The following NCAPG2 variants were observed in gnomAD, a reference collection of about 807,000 sequenced individuals.
NCAPG2 encodes the protein condensin-2 complex subunit G2.
NCAPG2 carries 53 observed loss-of-function variants against 141.1 expected under a neutral mutation model. That is an observed-to-expected ratio of 0.38 (90% CI 0.30 to 0.47). NCAPG2 has a LOEUF of 0.47. Ranked by LOEUF, NCAPG2 falls within the 20% of genes least tolerant of loss-of-function variation. The pLI is 0.99. For synonymous variants in NCAPG2, 499 were observed against 490.7 expected (o/e 1.02, Z -0.22); for missense variants, 1,087 against 1,389.0 (o/e 0.78, Z 3.46).
chr7:158,642,574 C>T (rs1434917547), intron 27 of NCAPG2, among the ~76,000 whole-genome samples: 1 of 135,134 alleles, frequency 7.4e-6, no homozygotes, highest in African/African-American at 2.7e-5. Flanking sequence ...AGAAAAAGGA[C>T]AAAAAGATAA....
intron 27 of NCAPG2, among the ~76,000 whole-genome samples, chr7:158,636,278 T>C: frequency 6.6e-6 from 1 of 152,216 alleles, no homozygotes; most frequent in East Asian, 1.9e-4. Context: ...TGAAACTAAG[T>C]ATAAGTGGAA....
chr7:158,679,286 A>G (rs1281618151), intron 11 of NCAPG2, among the ~76,000 whole-genome samples: 1 of 152,256 alleles, frequency 6.6e-6, no homozygotes, highest in Non-Finnish European at 1.5e-5. Flanking sequence ...ATTGTTTCCT[A>G]AAACTTTACT....
intron 5 of NCAPG2, 39 bp downstream of exon 5, chr7:158,690,525 TAGAG>T (rs749508959): frequency 2.5e-6 from 4 of 1,581,740 alleles, no homozygotes; most frequent in Non-Finnish European, 2.6e-6. Context: ...ATCTGGGCAA[TAGAG>T]AGAGACCCTG....
At chr7:158,649,811 T>C (rs1381478537) in intron 24 of NCAPG2, among the ~76,000 whole-genome samples, 1 of 152,232 alleles carries the variant, frequency 6.6e-6, no homozygotes. Flanking sequence ...TTTCTCTATA[T>C]GAAAACATGA....
At chr7:158,652,161 G>T in intron 23 of NCAPG2, 132 bp downstream of exon 23, 1 of 887,204 alleles carries the variant, frequency 1.1e-6, no homozygotes, top group Non-Finnish European at 1.7e-6. Context: ...CACCTCGCCA[G>T]CAGGGACCTC....
Position 158,692,073 on chromosome 7 carries a change from G to T in NCAPG2, c.382+769C>A, listed in dbSNP as rs141775836. Reference sequence around the variant, plus strand: ...TAATCCCAGCACTTTGCCAGGGCAAGGTGGGAGGATCACTTGAGCACAGGA... The same window carrying T: ...TAATCCCAGCACTTTGCCAGGGCAATGTGGGAGGATCACTTGAGCACAGGA... On this transcript the variant is annotated intron_variant, in intron 4 of 27. Transcript: ENST00000356309. 2.2e-3 allele frequency among the ~76,000 whole-genome samples: 335 copies of T among 152,322 alleles called. 1 individual carries two copies. The highest frequency in any genetic ancestry group is 0.017 in the Middle Eastern group (5 of 294).
At position 158,687,421 on chromosome 7, in the gene NCAPG2, G is replaced by C; in HGVS notation, c.694C>G (p.Leu232Val). The change falls in exon 7 of 28, where the codon CTC (leucine) becomes GTC (valine). Residue 232 changes from leucine to valine, a missense_variant. By Grantham distance (32) the Leu-to-Val change is conservative. Transcript: ENST00000356309. ...ATGAAGTTGATATTCCAGTTGAAGA[G>C]ACAACTAAGAAATCTTCTTCCCTAG... ...KEEGRRFLSC[L>V]FNWNINFIKM... 6.2e-7 allele frequency: 1 copy of C among 1,607,094 alleles called. No homozygotes were observed.
At chr7:158,679,895 C>A in intron 11 of NCAPG2, 65 bp downstream of exon 11, 2 of 1,570,864 alleles carry the variant, frequency 1.3e-6, no homozygotes, top group Non-Finnish European at 1.7e-6. Context: ...CACACACAAG[C>A]AGTACATGCC....
chr7:158,642,497 C>T (rs1405687591), intron 27 of NCAPG2, among the ~76,000 whole-genome samples: 1 of 151,890 alleles, frequency 6.6e-6, no homozygotes, highest in Non-Finnish European at 1.5e-5. Flanking sequence ...CACTACACTC[C>T]AGCCTGGGTG....
Position 158,683,317 on chromosome 7 carries a change from G to A in NCAPG2, c.907C>T (p.His303Tyr), listed in dbSNP as rs748910689. ...GIHLPRRSPV[H>Y]SKVREVLSYF... ...AATCTTACCTCCCGCACTTTGGAAT[G>A]CACTGGAGACCTCCTCGGAAGGTGT... The change falls in exon 9 of 28, where the codon CAT becomes TAT. Residue 303 changes from histidine to tyrosine, a missense_variant. Coordinates refer to ENST00000356309, the MANE Select transcript of NCAPG2 (RefSeq NM_017760.7). 3 of 1,600,494 alleles carry A rather than the reference G, an allele frequency of 1.9e-6. No individual in the cohort carries two copies. The highest frequency in any genetic ancestry group is 3.5e-5 in the Admixed American group (2 of 57,488).
chr7:158,699,582 TC>T (rs896608810), intron 2 of NCAPG2, among the ~76,000 whole-genome samples: 1 of 152,034 alleles, frequency 6.6e-6, no homozygotes, highest in Admixed American at 6.6e-5. Context: ...ACCCAAAGGC[TC>T]CAACCCCACT....
At position 158,675,498 on chromosome 7, in the gene NCAPG2, A is replaced by G; in HGVS notation, c.1305T>C (p.Asp435=). The part of the protein sequence containing the change: ...GELAFDTSSA[D]VRCSVFKCLP... ...TTACCTTAAAGACAGAACAACGAAC[A>G]TCAGCTGAGCTCGTGTCAAATGCCA... The change falls in exon 12 of 28, where the codon GAT becomes GAC. Residue 435 remains aspartate (D), a synonymous_variant. Coordinates refer to ENST00000356309, the MANE Select transcript of NCAPG2 (RefSeq NM_017760.7). The G allele has an allele frequency of 6.2e-7, 1 of 1,606,730 alleles. No homozygotes were observed. The highest frequency in any genetic ancestry group is 8.5e-7 in the Non-Finnish European group (1 of 1,178,476).
Position 158,650,986 on chromosome 7 carries a change from C to T in NCAPG2, c.2935-14G>A. On this transcript the variant is annotated splice_polypyrimidine_tract_variant and intron_variant, in intron 23 of 27. Transcript: ENST00000356309. The stretch of plus-strand genomic sequence containing the variant: ...AGAATAAAGCAGCTACAAGAAAACA[C>T]ATACGTCACTTTTAATGACTAAAAA... 6.4e-7 allele frequency: 1 copy of T among 1,557,418 alleles called. No homozygotes were observed. Among genetic ancestry groups the T allele is most frequent in the East Asian group, 2.3e-5 (1 of 42,828 alleles).
At chr7:158,693,221 T>C in intron 3 of NCAPG2, 88 bp downstream of exon 3, 1 of 1,370,498 alleles carries the variant, frequency 7.3e-7, no homozygotes, top group Non-Finnish European at 1.0e-6. Flanking sequence ...AAATCTGTCT[T>C]AATGTAAAAT....
At chr7:158,704,198 A>G (rs1461391341) in intron 1 of NCAPG2, among the ~76,000 whole-genome samples, 5 of 121,334 alleles carry the variant, frequency 4.1e-5, no homozygotes, top group African/African-American at 1.6e-4. Context: ...CTCAGGACTG[A>G]GGGGGTCGCT....
chr7:158,647,196 T>C (rs1831087308), intron 24 of NCAPG2, among the ~76,000 whole-genome samples: 1 of 152,188 alleles, frequency 6.6e-6, no homozygotes, highest in South Asian at 2.1e-4. Context: ...TGTACTCCTG[T>C]CTAAATTGGC....
intron 12 of NCAPG2, among the ~76,000 whole-genome samples, chr7:158,674,204 C>T (rs1400314176): frequency 6.6e-6 from 1 of 151,710 alleles, no homozygotes; most frequent in African/African-American, 2.4e-5. Flanking sequence ...GCCTCTGCCT[C>T]GGATGGAGAT....
intron 27 of NCAPG2, among the ~76,000 whole-genome samples, chr7:158,642,726 C>A (rs1176479016): frequency 2.0e-5 from 3 of 151,396 alleles, no homozygotes; most frequent in African/African-American, 7.3e-5. Flanking sequence ...AAAAGAAGAG[C>A]AAATTAAATC....
chr7:158,697,375 G>A (rs554216469), intron 2 of NCAPG2, among the ~76,000 whole-genome samples: 1 of 152,260 alleles, frequency 6.6e-6, no homozygotes, highest in Non-Finnish European at 1.5e-5. Context: ...GCCAAGGCAG[G>A]TGGATCACCT....
Sources: gnomAD v4.1 joint callset for allele counts (sites outside exome capture counted in the v4.1 genomes callset) on GRCh38, gnomAD v4.1.1 for gene constraint, MANE v1.5 for transcripts, NCBI Gene and HGNC (gene_info 2026-07-23, HGNC 2026-07-21) for gene names.